PPP4R4: variants seen among roughly 807,000 people sequenced by gnomAD.
PPP4R4 encodes the protein protein phosphatase 4 regulatory subunit 4.
In PPP4R4, 70 loss-of-function variants were observed where a neutral mutation model predicts 121.8. That is an observed-to-expected ratio of 0.57 (90% CI 0.47 to 0.70). PPP4R4 has a LOEUF of 0.70. Ranked by LOEUF, PPP4R4 falls within the 30% of genes least tolerant of loss-of-function variation. The pLI is 0.00. For synonymous variants in PPP4R4, 348 were observed against 355.7 expected (o/e 0.98, Z 0.24); for missense variants, 875 against 1,033.6 (o/e 0.85, Z 2.10).
At chr14:94,231,412 T>A (rs1247565482) in intron 5 of PPP4R4, 97 bp downstream of exon 5, 1 of 1,055,754 alleles carries the variant, frequency 9.5e-7, no homozygotes, top group African/African-American at 1.6e-5. Context: ...AAAAGAAAGT[T>A]GTTTTTCATT....
intron 19 of PPP4R4, 136 bp downstream of exon 19, chr14:94,259,505 T>C: frequency 8.2e-7 from 1 of 1,223,334 alleles, no homozygotes. Context: ...GTCCAGTTTT[T>C]TGAAATCTGT....
At chr14:94,180,921 G>A (rs540424818) in intron 2 of PPP4R4, among the ~76,000 whole-genome samples, 40 of 152,054 alleles carry the variant, frequency 2.6e-4, no homozygotes, top group Non-Finnish European at 5.1e-4. Flanking sequence ...ATAAACAAGT[G>A]TTGTACCATG....
chr14:94,245,126 AT>A (rs1190289869), intron 12 of PPP4R4, among the ~76,000 whole-genome samples: 1 of 151,986 alleles, frequency 6.6e-6, no homozygotes, highest in African/African-American at 2.4e-5. Context: ...ATTGTGTAGT[AT>A]TTTACCACTT....
At chr14:94,208,833 CAAAAACACCTCTTA>C (rs1890596106) in intron 3 of PPP4R4, among the ~76,000 whole-genome samples, 1 of 150,996 alleles carries the variant, frequency 6.6e-6, no homozygotes, top group African/African-American at 2.4e-5. Context: ...TTTAGTAGCT[CAAAAACACCTCTTA>C]ATTATTCTTA....
intron 2 of PPP4R4, among the ~76,000 whole-genome samples, chr14:94,199,315 G>A (rs951979886): frequency 1.3e-5 from 2 of 152,232 alleles, no homozygotes; most frequent in African/African-American, 2.4e-5. Flanking sequence ...GTGCTTCTTT[G>A]GTGCCCCACT....
chr14:94,243,630 CA>C (rs1892742072), intron 11 of PPP4R4, among the ~76,000 whole-genome samples: 1 of 152,172 alleles, frequency 6.6e-6, no homozygotes, highest in Admixed American at 6.5e-5. Context: ...CATGTGTATA[CA>C]AATATGTTTC....
chr14:94,199,464 C>T (rs1041698523), intron 2 of PPP4R4, among the ~76,000 whole-genome samples: 5 of 152,090 alleles, frequency 3.3e-5, no homozygotes, highest in South Asian at 2.1e-4. Flanking sequence ...TTTTGCTGTC[C>T]GTAGGCGGCT....
chr14:94,176,028 A>G (rs777365186), intron 1 of PPP4R4, 26 bp from the exon 2 acceptor site: 1 of 1,581,080 alleles, frequency 6.3e-7, no homozygotes, highest in Non-Finnish European at 8.7e-7. Context: ...TTTGTGGTGC[A>G]TAAATGTGTA....
intron 12 of PPP4R4, 108 bp from the exon 13 acceptor site, chr14:94,245,479 T>C: frequency 1.9e-6 from 1 of 522,736 alleles, no homozygotes; most frequent in Non-Finnish European, 3.3e-6. Context: ...AAAATGTTAT[T>C]TGGGGGAAAA....
rs146922914 is a variant in PPP4R4 at position 94,271,808 on chromosome 14, G to A, written c.2450-3566G>A. Reference sequence around the variant, plus strand: ...TATGGCAAGGTTGCAGAATATAAGGGTAATATATGAAGGTCAATGTAAGGT... The same window carrying A: ...TATGGCAAGGTTGCAGAATATAAGGATAATATATGAAGGTCAATGTAAGGT... On this transcript the variant is annotated intron_variant, in intron 23 of 24. Coordinates refer to ENST00000304338, the MANE Select transcript of PPP4R4 (RefSeq NM_058237.2). 3.3e-3 allele frequency among the ~76,000 whole-genome samples: 504 copies of A among 152,264 alleles called. 4 individuals are homozygous for A. Among genetic ancestry groups the A allele is most frequent in the African/African-American group, 0.012 (486 of 41,558 alleles).
chr14:94,219,075 C>CT (rs1891239363), intron 3 of PPP4R4, among the ~76,000 whole-genome samples: 16 of 112,892 alleles, frequency 1.4e-4, no homozygotes, highest in East Asian at 9.0e-4. Context: ...TTTTTCTTTT[C>CT]TTTTCTTTTT....
intron 2 of PPP4R4, among the ~76,000 whole-genome samples, chr14:94,180,246 A>G (rs1888902656): frequency 6.6e-6 from 1 of 152,236 alleles, no homozygotes; most frequent in Non-Finnish European, 1.5e-5. Context: ...CCTTCCAATA[A>G]TTTAATAAAC....
intron 19 of PPP4R4, among the ~76,000 whole-genome samples, chr14:94,263,757 T>A (rs977030955): frequency 6.6e-6 from 1 of 152,198 alleles, no homozygotes; most frequent in African/African-American, 2.4e-5. Flanking sequence ...AATAGATAAC[T>A]CCGTTAATCC....
rs1211415993 is a variant in PPP4R4 at position 94,193,471 on chromosome 14, G to A, written c.192-14993G>A. On this transcript the variant is annotated intron_variant, in intron 2 of 24. Transcript: ENST00000304338. ...AATTAGTATGATAATTAAATAAGAT[G>A]AGTGCAAGTAAGGTGCTTATTTATT... Among the ~76,000 whole-genome samples, 3 of 152,188 alleles carry A rather than the reference G, an allele frequency of 2.0e-5. No homozygotes were observed. In the East Asian group the frequency reaches 5.8e-4, roughly 29 times the overall value.
In PPP4R4 at chr14:94,256,934, A is replaced by T. The variant is rs1338734022; in HGVS notation, c.2010+330A>T. On this transcript the variant is annotated intron_variant, in intron 17 of 24. Transcript: ENST00000304338. ...TTTATAAGTGATTATAATCCAGTGA[A>T]ACTTTGTTGGTAAAATTGGCAAAGT... is the stretch of plus-strand genomic sequence containing the variant. Among the ~76,000 whole-genome samples the T allele has an allele frequency of 3.3e-5, 5 of 152,280 alleles. No homozygotes were observed. In the East Asian group the frequency reaches 9.6e-4, roughly 29 times the overall value.
chr14:94,266,777 A>C lies in PPP4R4; in HGVS notation c.2379-182A>C, dbSNP rs548800270. ...AGCAAAAGTTTAAGGAAATGCTTTC[A>C]AGTTATAGACGAAGTAAGTGTTGTG... On this transcript the variant is annotated intron_variant, in intron 22 of 24. Transcript: ENST00000304338. Among the ~76,000 whole-genome samples, 10 of 152,326 alleles carry C rather than the reference A, an allele frequency of 6.6e-5. No individual in the cohort carries two copies. In the South Asian group the frequency reaches 1.7e-3, roughly 25 times the overall value.
chr14:94,275,576 A>G (rs948960078), intron 24 of PPP4R4, 55 bp downstream of exon 24: 46 of 1,575,326 alleles, frequency 2.9e-5, no homozygotes, highest in Non-Finnish European at 3.9e-5. Context: ...TTTGCTTAAC[A>G]CACTTTCCTT....
intron 2 of PPP4R4, among the ~76,000 whole-genome samples, chr14:94,201,073 A>T (rs1890153934): frequency 6.6e-6 from 1 of 152,112 alleles, no homozygotes; most frequent in South Asian, 2.1e-4. Context: ...TCTTGATTTC[A>T]TTGTTGACTC....
chr14:94,245,714 A>G (rs1309221540), intron 13 of PPP4R4, 44 bp downstream of exon 13: 5 of 1,393,306 alleles, frequency 3.6e-6, no homozygotes, highest in African/African-American at 1.4e-5. Flanking sequence ...TGTAAATATT[A>G]TCCTACTCTA....
Sources: allele counts gnomAD v4.1 joint callset (sites outside exome capture counted in the v4.1 genomes callset), GRCh38; gene constraint gnomAD v4.1.1; transcripts MANE v1.5; gene names NCBI Gene and HGNC (gene_info 2026-07-23, HGNC 2026-07-21).